Variants in FGF14 observed in about 807,000 individuals in gnomAD.
FGF14 encodes fibroblast growth factor homologous factor 4.
A neutral mutation model predicts 25.5 loss-of-function variants in FGF14; 5 were observed. That is an observed-to-expected ratio of 0.20 (90% confidence interval 0.10 to 0.41). The LOEUF (loss-of-function observed/expected upper bound fraction) is 0.41, where lower values mean the gene tolerates loss of function less well. Ranked by LOEUF, FGF14 falls within the 10% of genes least tolerant of loss-of-function variation. The pLI is 1.00. For missense variants in FGF14, 222 were observed against 320.1 expected, an observed-to-expected ratio of 0.69 and a Z score of 2.34; for synonymous variants, 138 against 118.3, an observed-to-expected ratio of 1.17 and a Z score of -1.08.
chr13:101,766,840 G>A (rs557526018), intron 3 of FGF14, among the ~76,000 whole-genome samples: 4 of 152,224 alleles, frequency 2.6e-5, no homozygotes, highest in South Asian at 2.1e-4. Flanking sequence ...AGGGTGATGC[G>A]TCTACAAGCC....
chr13:101,868,901 T>A, intron 2 of FGF14, 73 bp from the exon 3 acceptor site: 1 of 931,600 alleles, frequency 1.1e-6, no homozygotes, highest in Non-Finnish European at 1.8e-6. Flanking sequence ...TTCTTTCTGA[T>A]TTATTTTATT....
intron 3 of FGF14, among the ~76,000 whole-genome samples, chr13:101,797,768 T>TGCGCGC (rs1331205881): frequency 4.8e-5 from 7 of 144,470 alleles, no homozygotes; most frequent in African/African-American, 1.6e-4. Flanking sequence ...TGTGTGTGTG[T>TGCGCGC]GTGTGTGTGT....
At chr13:102,289,095 GA>G (rs1450137750) in intron 1 of FGF14, among the ~76,000 whole-genome samples, 1 of 152,106 alleles carries the variant, frequency 6.6e-6, no homozygotes, top group Non-Finnish European at 1.5e-5. Context: ...GATTCAGTCA[GA>G]AACTCCTCAA....
At chr13:102,168,242 G>T (rs1420197476) in intron 1 of FGF14, among the ~76,000 whole-genome samples, 1 of 152,080 alleles carries the variant, frequency 6.6e-6, no homozygotes, top group Non-Finnish European at 1.5e-5. Context: ...AAAAAGGTGC[G>T]TATGATGGGG....
chr13:101,889,083 A>G (rs1158573202), intron 1 of FGF14, among the ~76,000 whole-genome samples: 2 of 152,138 alleles, frequency 1.3e-5, no homozygotes, highest in Non-Finnish European at 2.9e-5. Flanking sequence ...CAAGCCAAGG[A>G]GAGAGGCCTC....
intron 1 of FGF14, among the ~76,000 whole-genome samples, chr13:101,985,878 C>T (rs1001883093): frequency 2.0e-5 from 3 of 150,228 alleles, no homozygotes; most frequent in Admixed American, 1.3e-4. Flanking sequence ...CTCAAAATAG[C>T]TTCTTATTAG....
At chr13:102,211,442 T>G (rs2050156159) in intron 1 of FGF14, among the ~76,000 whole-genome samples, 1 of 152,208 alleles carries the variant, frequency 6.6e-6, no homozygotes, top group South Asian at 2.1e-4. Flanking sequence ...ATGATCACTT[T>G]ACTACTTTCA....
At chr13:101,812,641 ATATATATATATATTTTTTTTTTTT>A (rs1253019232) in intron 3 of FGF14, among the ~76,000 whole-genome samples, 3 of 10,856 alleles carry the variant, frequency 2.8e-4, no homozygotes, top group African/African-American at 8.6e-4. Context: ...ATATATATAT[ATATATATATATATTTTTTTTTTTT>A]TTTTTTTTTT....
At chr13:101,884,656 A>G (rs1443509967) in intron 1 of FGF14, among the ~76,000 whole-genome samples, 1 of 152,174 alleles carries the variant, frequency 6.6e-6, no homozygotes, top group Non-Finnish European at 1.5e-5. Context: ...TCTCCCACAA[A>G]GTAATGCATT....
chr13:102,361,108 T>C (rs1188320731), intron 1 of FGF14, among the ~76,000 whole-genome samples: 1 of 152,268 alleles, frequency 6.6e-6, no homozygotes, highest in East Asian at 1.9e-4. Context: ...GATTGTAAAT[T>C]AAAAAGTTAT....
At chr13:101,906,470 T>C (rs2032259983) in intron 1 of FGF14, among the ~76,000 whole-genome samples, 1 of 152,190 alleles carries the variant, frequency 6.6e-6, no homozygotes, top group South Asian at 2.1e-4. Flanking sequence ...GCATGTGGTG[T>C]AATAAAAAGA....
chr13:102,171,537 CA>C (rs1175863487), intron 1 of FGF14, among the ~76,000 whole-genome samples: 1 of 152,008 alleles, frequency 6.6e-6, no homozygotes, highest in Non-Finnish European at 1.5e-5. Context: ...TCTTTTTTAG[CA>C]AATGAATAAA....
intron 3 of FGF14, among the ~76,000 whole-genome samples, chr13:101,750,615 C>T (rs1274051844): frequency 1.3e-5 from 2 of 152,030 alleles, no homozygotes; most frequent in African/African-American, 4.8e-5. Flanking sequence ...CTAATGCAAA[C>T]AGTAACTGGG....
At chr13:102,374,061 T>A (rs1326224897) in intron 1 of FGF14, among the ~76,000 whole-genome samples, 2 of 152,132 alleles carry the variant, frequency 1.3e-5, no homozygotes, top group African/African-American at 4.8e-5. Flanking sequence ...CAGGATCCTT[T>A]CAACTCTGAA....
chr13:101,865,455 T>C (rs1409429461), intron 3 of FGF14, among the ~76,000 whole-genome samples: 3 of 152,130 alleles, frequency 2.0e-5, no homozygotes, highest in Non-Finnish European at 2.9e-5. Context: ...ATCAAATGGC[T>C]TGTATCCGAC....
chr13:102,017,848 A>C (rs2139842328), intron 1 of FGF14, among the ~76,000 whole-genome samples: 1 of 152,228 alleles, frequency 6.6e-6, no homozygotes, highest in South Asian at 2.1e-4. Flanking sequence ...GAATTCTTCA[A>C]TTTGATCTTC....
chr13:101,880,423 C>T (rs148854756), intron 1 of FGF14, among the ~76,000 whole-genome samples: 177 of 152,048 alleles, frequency 1.2e-3, no homozygotes, highest in Middle Eastern at 6.8e-3. Context: ...CAAAATTAGC[C>T]GGGCATGGTG....
chr13:101,967,822 C>T (rs2037313394), intron 1 of FGF14: 1 of 153,686 alleles, frequency 6.5e-6, no homozygotes, highest in Non-Finnish European at 1.5e-5. Context: ...ATGGCTTAGA[C>T]ACATTAAACA....
intron 3 of FGF14, among the ~76,000 whole-genome samples, chr13:101,810,095 C>T (rs1353510115): frequency 1.3e-5 from 2 of 152,166 alleles, no homozygotes; most frequent in Non-Finnish European, 2.9e-5. Context: ...ACTCCCACTT[C>T]ATCATTACTA....
Sources: gnomAD v4.1 joint callset for allele counts (sites outside exome capture counted in the v4.1 genomes callset) on GRCh38, gnomAD v4.1.1 for gene constraint, MANE v1.5 for transcripts, NCBI Gene and HGNC (gene_info 2026-07-23, HGNC 2026-07-21) for gene names.